The following CDS1 variants were observed in gnomAD, a reference collection of about 807,000 sequenced individuals.
CDS1 encodes the protein phosphatidate cytidylyltransferase 1.
A neutral mutation model predicts 62.1 loss-of-function variants in CDS1; 41 were observed. The observed-to-expected ratio is 0.66, with a 90% CI of 0.51 to 0.86. The LOEUF is 0.86. CDS1 is among the 40% of genes least tolerant of loss of function. The probability of loss-of-function intolerance (pLI) is 0.00; values close to 1 mark genes in which losing one functional copy is unlikely to be tolerated. For synonymous variants in CDS1, 185 were observed against 192.6 expected (o/e 0.96, Z 0.32); for missense variants, 470 against 550.1 (o/e 0.85, Z 1.46).
At chr4:84,635,218 A>G in intron 7 of CDS1, 46 bp from the exon 8 acceptor site, 1 of 930,338 alleles carries the variant, frequency 1.1e-6, no homozygotes, top group Non-Finnish European at 1.7e-6. Flanking sequence ...CCACTTACTC[A>G]GGTGAACTTT....
intron 9 of CDS1, among the ~76,000 whole-genome samples, chr4:84,639,901 T>C (rs773239186): frequency 1.3e-5 from 2 of 151,934 alleles, no homozygotes; most frequent in Admixed American, 6.6e-5. Context: ...AATGGACAGA[T>C]AGAAGAATGC....
rs539737804 is a variant in CDS1, at chr4:84,612,664, A to G, written c.342+3139A>G. Among the ~76,000 whole-genome samples, 105 of 152,150 alleles carry G rather than the reference A, an allele frequency of 6.9e-4. 4 individuals are homozygous for G. In the South Asian group the frequency reaches 0.021, roughly 31 times the overall value. On this transcript the variant is annotated intron_variant, in intron 3 of 12. Transcript: ENST00000295887. Reference sequence around the variant, plus strand: ...ATCTTATTACTAGTTATTTGCTTCAATTGGTGAGTTTAATTAAAGAAGAAA... The same window carrying G: ...ATCTTATTACTAGTTATTTGCTTCAGTTGGTGAGTTTAATTAAAGAAGAAA...
Position 84,583,433 on chromosome 4 carries a change from C to T in CDS1, c.32C>T (p.Pro11Leu). 1.3e-6 allele frequency: 2 copies of T among 1,596,648 alleles called. No individual in the cohort carries two copies. Among genetic ancestry groups the T allele is most frequent in the South Asian group, 1.1e-5 (1 of 89,436 alleles). ...GAGCTGAGGCACCGGGGAAGCTGCC[C>T]CGGCCCCAGGGAAGCGGTGTCGCCG... The part of the protein sequence containing the change: MLELRHRGSC[P>L]GPREAVSPPH... Residue 11 changes from proline (P) to leucine (L), a missense_variant, in exon 1 of 13, where the codon CCC becomes CTC. Physicochemically the swap from Pro to Leu is moderately conservative, Grantham distance 98. This residue lies in a region of CDS1 where 150 missense variants were observed against 142.0 expected (regional missense o/e 1.06). Coordinates refer to ENST00000295887, the MANE Select transcript of CDS1 (RefSeq NM_001263.4).
chr4:84,612,360 T>A (rs953766271), intron 3 of CDS1, among the ~76,000 whole-genome samples: 1 of 152,048 alleles, frequency 6.6e-6, no homozygotes, highest in South Asian at 2.1e-4. Flanking sequence ...ATCTAAGATA[T>A]CAGAAACCAC....
At chr4:84,600,511 G>A (rs1284673728) in intron 1 of CDS1, among the ~76,000 whole-genome samples, 2 of 152,178 alleles carry the variant, frequency 1.3e-5, no homozygotes, top group Non-Finnish European at 2.9e-5. Context: ...TATCTGTGGT[G>A]TGAGGTATGG....
chr4:84,611,356 C>T (rs1723313735), intron 3 of CDS1, among the ~76,000 whole-genome samples: 1 of 152,146 alleles, frequency 6.6e-6, no homozygotes, highest in Non-Finnish European at 1.5e-5. Flanking sequence ...TTCAGTTAAT[C>T]CAGGTTCTTC....
intron 12 of CDS1, 48 bp from the exon 13 acceptor site, chr4:84,648,509 T>C (rs750035545): frequency 3.2e-5 from 51 of 1,587,526 alleles, no homozygotes; most frequent in Non-Finnish European, 4.3e-5. Flanking sequence ...GCTTCACTTA[T>C]CCCTATTAAA....
chr4:84,645,216 C>G lies in CDS1; in HGVS notation c.1153-6C>G. ...AATTTGCTAATATATTTGTTTGTTT[C>G]TAAAGGATTTTGCAAATACCATTCC... is the stretch of plus-strand genomic sequence containing the variant. On this transcript the variant is annotated splice_polypyrimidine_tract_variant and splice_region_variant and intron_variant, in intron 11 of 12. Transcript: ENST00000295887. The G allele has an allele frequency of 1.3e-6, 2 of 1,589,546 alleles. No homozygotes were observed. The highest frequency in any genetic ancestry group is 1.7e-6 in the Non-Finnish European group (2 of 1,159,076).
intron 1 of CDS1, among the ~76,000 whole-genome samples, chr4:84,587,643 C>T (rs912595700): frequency 6.6e-6 from 1 of 152,120 alleles, no homozygotes; most frequent in East Asian, 1.9e-4. Context: ...TATGTAGAGA[C>T]CAAGGGAGAA....
intron 1 of CDS1, among the ~76,000 whole-genome samples, chr4:84,598,324 C>G (rs139248755): frequency 9.3e-4 from 141 of 151,796 alleles, no homozygotes; most frequent in African/African-American, 3.2e-3. Flanking sequence ...TAATGCTGAA[C>G]TGAGCTACAG....
At chr4:84,635,584 T>A (rs1464270636) in intron 8 of CDS1, among the ~76,000 whole-genome samples, 6 of 51,696 alleles carry the variant, frequency 1.2e-4, no homozygotes, top group African/African-American at 5.8e-4. Flanking sequence ...TCTGCCTGCC[T>A]GCCTGCCTGC....
intron 10 of CDS1, among the ~76,000 whole-genome samples, chr4:84,642,761 A>G (rs1724426053): frequency 6.6e-6 from 1 of 152,228 alleles, no homozygotes; most frequent in Non-Finnish European, 1.5e-5. Flanking sequence ...CCTGGAAGGT[A>G]GACTACCACG....
intron 3 of CDS1, among the ~76,000 whole-genome samples, chr4:84,615,939 TC>T (rs1200360668): frequency 6.6e-6 from 1 of 152,220 alleles, no homozygotes; most frequent in Admixed American, 6.5e-5. Context: ...TCCTAGAAGT[TC>T]CATATTAATT....
At chr4:84,640,254 C>T (rs1272328028) in intron 9 of CDS1, among the ~76,000 whole-genome samples, 1 of 150,812 alleles carries the variant, frequency 6.6e-6, no homozygotes, top group Non-Finnish European at 1.5e-5. Context: ...TTCTATTACT[C>T]ATTCTCGAGC....
chr4:84,630,466 C>G (rs1047765343), intron 5 of CDS1, among the ~76,000 whole-genome samples: 1 of 152,086 alleles, frequency 6.6e-6, no homozygotes, highest in African/African-American at 2.4e-5. Flanking sequence ...AATTGATCAC[C>G]AAAAGTAGCG....
chr4:84,643,503 A>G (rs1724458273), intron 11 of CDS1, among the ~76,000 whole-genome samples: 1 of 152,226 alleles, frequency 6.6e-6, no homozygotes, highest in South Asian at 2.1e-4. Flanking sequence ...AGGGACATGC[A>G]GAAGAACCTT....
At chr4:84,637,541 T>G (rs1345061315) in intron 8 of CDS1, among the ~76,000 whole-genome samples, 1 of 152,038 alleles carries the variant, frequency 6.6e-6, no homozygotes, top group Non-Finnish European at 1.5e-5. Context: ...GCTTAACCAT[T>G]AGAAACCCCC....
intron 3 of CDS1, among the ~76,000 whole-genome samples, chr4:84,612,771 AT>A (rs1444486788): frequency 6.6e-6 from 1 of 151,996 alleles, no homozygotes; most frequent in African/African-American, 2.4e-5. Flanking sequence ...CAGGTAGATC[AT>A]TTGAGGTCAG....
chr4:84,604,691 T>A (rs995610193), intron 2 of CDS1, among the ~76,000 whole-genome samples: 3 of 152,238 alleles, frequency 2.0e-5, no homozygotes, highest in African/African-American at 7.2e-5. Context: ...TTGCTTTTTC[T>A]GGTATTAGAA....
Sources: gnomAD v4.1 joint callset for allele counts (sites outside exome capture counted in the v4.1 genomes callset) on GRCh38, gnomAD v4.1.1 for gene constraint, gnomAD v4.1.1 regional missense constraint, MANE v1.5 for transcripts, NCBI Gene and HGNC (gene_info 2026-07-23, HGNC 2026-07-21) for gene names.